PHTF2: variants seen among roughly 807,000 people sequenced by gnomAD.
PHTF2 encodes the protein protein PHTF2.
In PHTF2, 60 loss-of-function variants were observed where a neutral mutation model predicts 101.2. The observed-to-expected ratio is 0.59, with a 90% CI of 0.48 to 0.73. The LOEUF (loss-of-function observed/expected upper bound fraction) is 0.73, where lower values mean the gene tolerates loss of function less well. Ranked by LOEUF, PHTF2 falls within the 30% of genes least tolerant of loss-of-function variation. PHTF2 has a pLI of 0.00. For missense variants in PHTF2, 747 were observed against 908.7 expected (o/e 0.82, Z 2.29); for synonymous variants, 311 against 307.3 (o/e 1.01, Z -0.13).
intron 3 of PHTF2, among the ~76,000 whole-genome samples, chr7:77,885,896 G>T (rs1010380667): frequency 6.6e-6 from 1 of 152,170 alleles, no homozygotes; most frequent in African/African-American, 2.4e-5. Context: ...TTTAGTGTTT[G>T]TGAGAATTAA....
intron 3 of PHTF2, among the ~76,000 whole-genome samples, chr7:77,871,624 A>G (rs939163985): frequency 2.6e-4 from 39 of 152,266 alleles, no homozygotes; most frequent in African/African-American, 8.7e-4. Flanking sequence ...GAGAAACAGT[A>G]CCATATATTG....
At chr7:77,912,463 G>A (rs1305768941) in intron 9 of PHTF2, among the ~76,000 whole-genome samples, 1 of 152,046 alleles carries the variant, frequency 6.6e-6, no homozygotes, top group African/African-American at 2.4e-5. Context: ...TATCAACTAA[G>A]CACTTATCAA....
At chr7:77,915,421 C>CA (rs1802817748) in intron 9 of PHTF2, among the ~76,000 whole-genome samples, 2 of 151,940 alleles carry the variant, frequency 1.3e-5, no homozygotes, top group African/African-American at 4.8e-5. Flanking sequence ...CCATGTTGGC[C>CA]AGGATGGTCT....
At chr7:77,872,510 C>G (rs1287886994) in intron 3 of PHTF2, among the ~76,000 whole-genome samples, 1 of 152,220 alleles carries the variant, frequency 6.6e-6, no homozygotes, top group Non-Finnish European at 1.5e-5. Context: ...CGCTTTGCCT[C>G]TGCTGTCCAT....
chr7:77,917,886 G>A (rs969956605), intron 9 of PHTF2, among the ~76,000 whole-genome samples: 2 of 152,130 alleles, frequency 1.3e-5, no homozygotes, highest in Non-Finnish European at 2.9e-5. Context: ...TACCTTCATA[G>A]GGTTCATGAG....
intron 7 of PHTF2, among the ~76,000 whole-genome samples, chr7:77,908,488 G>A (rs758938891): frequency 2.6e-5 from 4 of 152,124 alleles, no homozygotes; most frequent in Non-Finnish European, 2.9e-5. Context: ...TTCTTTGATT[G>A]TCTGTGATGT....
chr7:77,859,743 T>C (rs1245907578), intron 3 of PHTF2, among the ~76,000 whole-genome samples: 1 of 152,076 alleles, frequency 6.6e-6, no homozygotes, highest in Non-Finnish European at 1.5e-5. Flanking sequence ...CTAATTTTTT[T>C]ATTTTAATTT....
intron 3 of PHTF2, among the ~76,000 whole-genome samples, chr7:77,888,848 G>A (rs1387708087): frequency 6.8e-6 from 1 of 147,164 alleles, no homozygotes. Context: ...CTGAGACCCT[G>A]TCTCAACAAA....
chr7:77,937,169 A>G (rs948581710), intron 12 of PHTF2, among the ~76,000 whole-genome samples: 1 of 152,214 alleles, frequency 6.6e-6, no homozygotes, highest in African/African-American at 2.4e-5. Flanking sequence ...AACGTTAAAT[A>G]TGTAAGGAAG....
rs189208169 is a variant in PHTF2 at position 77,835,611 on chromosome 7, C to G, written c.-35-4610C>G. On this transcript the variant is annotated intron_variant, in intron 1 of 19. Transcript: ENST00000416283. ...CATAGGCATTATTATACTGTTGACC[C>G]TTGAACAATTGGGGTTAGGGATACT... 1.3e-3 allele frequency among the ~76,000 whole-genome samples: 204 copies of G among 152,226 alleles called. 1 individual carries two copies. Among genetic ancestry groups the G allele is most frequent in the African/African-American group, 4.5e-3 (188 of 41,530 alleles).
Position 77,920,438 on chromosome 7 carries a change from AG to A in PHTF2, c.938del (p.Gly313GlufsTer3). The A allele has an allele frequency of 6.2e-7, 1 of 1,613,196 alleles. No individual in the cohort carries two copies. The highest frequency in any genetic ancestry group is 8.5e-7 in the Non-Finnish European group (1 of 1,179,464). ...GACCAGAAGAGACAGCCTGGAACAC[AG>A]GAACACTGAGGAATGGTCCTAGCAA... On this transcript the variant is annotated frameshift_variant, in exon 10 of 20. Coordinates refer to ENST00000416283, the Ensembl canonical transcript of PHTF2. LOFTEE classifies it high-confidence loss of function.
chr7:77,814,343 CCTT>C (rs1445225974), intron 1 of PHTF2, among the ~76,000 whole-genome samples: 6 of 152,106 alleles, frequency 3.9e-5, no homozygotes, highest in African/African-American at 1.4e-4. Context: ...TTTAAAGACA[CCTT>C]ATTTAATTTT....
intron 3 of PHTF2, among the ~76,000 whole-genome samples, chr7:77,881,804 C>T (rs1373066303): frequency 6.6e-6 from 1 of 152,192 alleles, no homozygotes; most frequent in East Asian, 1.9e-4. Flanking sequence ...GAGTTTCCTA[C>T]TCTTGTACAT....
rs533297758 is a variant in PHTF2, at chr7:77,919,362, C to G, written c.777-917C>G. ...AGGCAATATACTATTTTTATTTTTCCTTACTTGCAAAATTGATACCTCTAA... is the reference window on the plus strand; with the variant it reads ...AGGCAATATACTATTTTTATTTTTCGTTACTTGCAAAATTGATACCTCTAA... On this transcript the variant is annotated intron_variant, in intron 9 of 19. Transcript: ENST00000416283. 3.2e-4 allele frequency among the ~76,000 whole-genome samples: 48 copies of G among 152,010 alleles called. No homozygotes were observed. The South Asian group carries it at 3.7e-3, about 12-fold the overall frequency.
chr7:77,831,285 C>G (rs1227782261), intron 1 of PHTF2, among the ~76,000 whole-genome samples: 2 of 152,250 alleles, frequency 1.3e-5, no homozygotes, highest in African/African-American at 4.8e-5. Flanking sequence ...ACCACTTCAT[C>G]AAGTGTGTCT....
chr7:77,863,891 T>C (rs1452753626), intron 3 of PHTF2, among the ~76,000 whole-genome samples: 1 of 150,436 alleles, frequency 6.6e-6, no homozygotes, highest in Non-Finnish European at 1.5e-5. Context: ...GGCTCCTACC[T>C]CAGCCTTCCA....
chr7:77,927,157 CAA>C (rs869210694), intron 11 of PHTF2, among the ~76,000 whole-genome samples: 1,978 of 36,116 alleles, frequency 0.055, 27 homozygotes, highest in African/African-American at 0.11. Context: ...GACTCCATCT[CAA>C]AAAAAAAAAA....
Position 77,800,997 on chromosome 7 carries a change from A to G in PHTF2, c.-36+2026A>G, listed in dbSNP as rs576176510. 7.2e-5 allele frequency among the ~76,000 whole-genome samples: 11 copies of G among 152,300 alleles called. No homozygotes were observed. The East Asian group carries it at 1.5e-3, about 21-fold the overall frequency. On this transcript the variant is annotated intron_variant, in intron 1 of 19. Transcript: ENST00000416283. ...CTTGGAGACTTTATAGTAGGAGACT[A>G]CTCAGTGGAAAATAACACTGCAAAA...
chr7:77,905,821 A>G (rs1801803405), intron 7 of PHTF2, among the ~76,000 whole-genome samples: 1 of 152,142 alleles, frequency 6.6e-6, no homozygotes, highest in Non-Finnish European at 1.5e-5. Flanking sequence ...CCCCTTGCCC[A>G]GTACGTGAAG....
Sources: gnomAD v4.1 joint callset for allele counts (sites outside exome capture counted in the v4.1 genomes callset) on GRCh38, gnomAD v4.1.1 for gene constraint, MANE v1.5 for transcripts, NCBI Gene and HGNC (gene_info 2026-07-23, HGNC 2026-07-21) for gene names.